Variants in RBFOX1 observed in about 807,000 individuals in gnomAD.
The protein encoded by RBFOX1 is RNA binding protein fox-1 homolog 1.
RBFOX1 carries 8 observed loss-of-function variants against 57.7 expected under a neutral mutation model. The ratio of observed to expected loss-of-function variants is 0.14; its 90% CI spans 0.08 to 0.25. RBFOX1 has a LOEUF of 0.25. Ranked by LOEUF, RBFOX1 falls within the 10% of genes least tolerant of loss-of-function variation. The pLI, the probability that RBFOX1 is intolerant of heterozygous loss-of-function variation, is 1.00. For missense variants in RBFOX1, 611 were observed against 548.5 expected (o/e 1.11, Z -1.14); for synonymous variants, 326 against 222.4 (o/e 1.47, Z -4.15).
At chr16:5,742,928 T>C (rs2052829490) in intron 3 of RBFOX1, among the ~76,000 whole-genome samples, 1 of 152,178 alleles carries the variant, frequency 6.6e-6, no homozygotes, top group Non-Finnish European at 1.5e-5. Context: ...CACAGCACCA[T>C]GGTGTGTATC....
intron 2 of RBFOX1, among the ~76,000 whole-genome samples, chr16:6,527,472 G>A (rs1448128919): frequency 6.6e-6 from 1 of 152,112 alleles, no homozygotes; most frequent in Non-Finnish European, 1.5e-5. Flanking sequence ...GAAACACGTG[G>A]ATAAATATTC....
chr16:6,504,564 A>G (rs868509792), intron 2 of RBFOX1, among the ~76,000 whole-genome samples: 1 of 152,212 alleles, frequency 6.6e-6, no homozygotes, highest in Non-Finnish European at 1.5e-5. Flanking sequence ...GAGTTTGCCT[A>G]TCTACATTCC....
intron 4 of RBFOX1, among the ~76,000 whole-genome samples, chr16:7,334,363 A>T (rs912941950): frequency 1.3e-5 from 2 of 152,138 alleles, no homozygotes; most frequent in Non-Finnish European, 2.9e-5. Context: ...CGGTATGATA[A>T]GGTTGCCATT....
At chr16:7,165,858 C>T (rs940386115) in intron 4 of RBFOX1, among the ~76,000 whole-genome samples, 2 of 151,568 alleles carry the variant, frequency 1.3e-5, no homozygotes, top group Admixed American at 1.3e-4. Context: ...GATATTACTC[C>T]TTTTGATGTT....
intron 3 of RBFOX1, among the ~76,000 whole-genome samples, chr16:7,014,558 C>T (rs528569683): frequency 6.6e-6 from 1 of 152,032 alleles, no homozygotes; most frequent in African/African-American, 2.4e-5. Context: ...AGGAGTGAGA[C>T]ACTGCACCCC....
intron 3 of RBFOX1, among the ~76,000 whole-genome samples, chr16:6,756,068 T>G (rs538965201): frequency 1.3e-5 from 2 of 152,166 alleles, no homozygotes; most frequent in African/African-American, 2.4e-5. Context: ...AGTGACCACA[T>G]TGGCAGCAAA....
At chr16:5,958,310 C>A (rs2059686497) in intron 4 of RBFOX1, among the ~76,000 whole-genome samples, 1 of 152,140 alleles carries the variant, frequency 6.6e-6, no homozygotes, top group African/African-American at 2.4e-5. Context: ...ACTTGTGGAG[C>A]AGTCTTTAGA....
intron 4 of RBFOX1, among the ~76,000 whole-genome samples, chr16:7,252,782 A>G (rs945268502): frequency 4.0e-5 from 6 of 150,372 alleles, no homozygotes; most frequent in African/African-American, 9.8e-5. Context: ...GGCATTAGGT[A>G]TCTCTGGGCT....
chr16:6,913,821 T>A (rs1454815785), intron 3 of RBFOX1, among the ~76,000 whole-genome samples: 1 of 152,128 alleles, frequency 6.6e-6, no homozygotes, highest in Non-Finnish European at 1.5e-5. Context: ...CTAAACTACT[T>A]CCCAGCCCTG....
intron 1 of RBFOX1, among the ~76,000 whole-genome samples, chr16:5,405,960 A>G (rs532935860): frequency 6.6e-6 from 1 of 152,314 alleles, no homozygotes; most frequent in East Asian, 1.9e-4. Context: ...CATCGGGGAC[A>G]GGGAAGCATG....
intron 15 of RBFOX1, chr16:7,709,715 T>G: frequency 1.0e-6 from 1 of 983,726 alleles, no homozygotes; most frequent in Non-Finnish European, 1.2e-6. Context: ...GGGGTTGCCT[T>G]TTGTTTTGGG....
intron 4 of RBFOX1, among the ~76,000 whole-genome samples, chr16:5,974,340 G>A (rs2060020153): frequency 6.6e-6 from 1 of 152,176 alleles, no homozygotes; most frequent in Non-Finnish European, 1.5e-5. Context: ...CAGGCACGGT[G>A]GCTCACACCT....
At chr16:6,210,184 G>C (rs1284611387) in intron 1 of RBFOX1, among the ~76,000 whole-genome samples, 3 of 151,706 alleles carry the variant, frequency 2.0e-5, no homozygotes, top group Admixed American at 1.3e-4. Flanking sequence ...TAGGCATGGT[G>C]GTGGGCGCCT....
chr16:7,566,166 T>C (rs11077198), intron 5 of RBFOX1, among the ~76,000 whole-genome samples: 39,063 of 151,976 alleles, frequency 0.26, 6,096 homozygotes, highest in Non-Finnish European at 0.34. Flanking sequence ...ATCCATAGGA[T>C]GCTTATTCTA....
At chr16:6,024,164 A>G (rs953396745) in intron 1 of RBFOX1, among the ~76,000 whole-genome samples, 3 of 152,182 alleles carry the variant, frequency 2.0e-5, no homozygotes, top group Admixed American at 6.5e-5. Context: ...GCTGCTACAG[A>G]AGAGTGTGTT....
chr16:5,611,728 A>ATCCATCCATCCATCCC, intron 3 of RBFOX1, among the ~76,000 whole-genome samples: 1 of 140,938 alleles, frequency 7.1e-6, no homozygotes, highest in Admixed American at 7.1e-5. Flanking sequence ...CTATCCATCC[A>ATCCATCCATCCATCCC]TCCATCCATC....
chr16:6,998,002 CT>C (rs1318536764), intron 3 of RBFOX1, among the ~76,000 whole-genome samples: 4 of 151,300 alleles, frequency 2.6e-5, no homozygotes, highest in African/African-American at 9.8e-5. Context: ...TAAAAAAAAA[CT>C]AAAATTGAAG....
At chr16:7,493,396 C>G (rs947157771) in intron 4 of RBFOX1, among the ~76,000 whole-genome samples, 2 of 152,192 alleles carry the variant, frequency 1.3e-5, no homozygotes, top group African/African-American at 2.4e-5. Flanking sequence ...GTAACGCCCA[C>G]AAATCTGTCC....
At chr16:6,918,025 G>A (rs141819440) in intron 3 of RBFOX1, among the ~76,000 whole-genome samples, 13 of 152,192 alleles carry the variant, frequency 8.5e-5, no homozygotes, top group Non-Finnish European at 1.5e-4. Flanking sequence ...ATTAGCTCAC[G>A]CCTGTAATCC....
Sources: allele counts gnomAD v4.1 joint callset (sites outside exome capture counted in the v4.1 genomes callset), GRCh38; gene constraint gnomAD v4.1.1; transcripts MANE v1.5; gene names NCBI Gene and HGNC (gene_info 2026-07-23, HGNC 2026-07-21).